Variants in ENTPD6 observed in about 807,000 individuals in gnomAD.
ENTPD6 encodes the protein ectonucleoside triphosphate diphosphohydrolase 6, also known as CD39 antigen-like 2.
Under a neutral mutation model 61.5 loss-of-function variants are expected in ENTPD6, and 46 were observed. The observed-to-expected ratio is 0.75, with a 90% CI of 0.59 to 0.96. ENTPD6 has a LOEUF of 0.96. ENTPD6 is among the 40% of genes least tolerant of loss of function. ENTPD6 has a pLI of 0.00. For missense variants in ENTPD6, 612 were observed against 629.0 expected (o/e 0.97, Z 0.29); for synonymous variants, 252 against 255.5 (o/e 0.99, Z 0.13).
Position 25,221,232 on chromosome 20 carries a change from C to T in ENTPD6, c.944C>T (p.Ala315Val), listed in dbSNP as rs1045967514. ...CTTTCCTTTTTAATCTCTGTTTCAG[C>T]TAAGGATGGAAAGGAGTTGGTCAGC... is the stretch of plus-strand genomic sequence containing the variant. Reference protein sequence around the residue: ...AILGGVEGQPAKDGKELVSPC... With the variant: ...AILGGVEGQPVKDGKELVSPC... Residue 315 changes from alanine (A) to valine (V), a missense_variant and splice_region_variant, in exon 11 of 15, where the codon GCT becomes GTT. By Grantham distance (64) the Ala-to-Val change is moderately conservative. Coordinates refer to ENST00000376652, the MANE Select transcript of ENTPD6 (RefSeq NM_001247.5). The T allele has an allele frequency of 6.2e-7, 1 of 1,610,814 alleles. No individual in the cohort carries two copies. Among genetic ancestry groups the T allele is most frequent in the African/African-American group, 1.3e-5 (1 of 74,864 alleles).
intron 10 of ENTPD6, among the ~76,000 whole-genome samples, chr20:25,219,811 T>G (rs917025126): frequency 8.5e-5 from 13 of 152,254 alleles, no homozygotes; most frequent in African/African-American, 1.2e-4. Flanking sequence ...GATGTTCAAC[T>G]GGAATTTTCA....
intron 5 of ENTPD6, among the ~76,000 whole-genome samples, chr20:25,213,764 A>G (rs1027167647): frequency 3.3e-5 from 5 of 152,206 alleles, no homozygotes; most frequent in Admixed American, 2.6e-4. Flanking sequence ...AGCCTGGCCA[A>G]CATAGCAAGA....
Position 25,204,897 on chromosome 20 carries a change from G to A in ENTPD6, c.-15-1625G>A, listed in dbSNP as rs150619898. Among the ~76,000 whole-genome samples the A allele has an allele frequency of 4.6e-5, 7 of 152,242 alleles. No individual in the cohort carries two copies. In the East Asian group the frequency reaches 9.6e-4, roughly 21 times the overall value. ...GGCATTCTCTTGGTTGCTGTAGATC[G>A]TTGCCTGTTTTGCAGAGCTCCTATG... On this transcript the variant is annotated intron_variant, in intron 1 of 14. Transcript: ENST00000376652.
rs1289141707 is a variant in ENTPD6, at chr20:25,226,916, C to T, written c.*1319C>T. Among the ~76,000 whole-genome samples the T allele has an allele frequency of 6.6e-6, 1 of 152,276 alleles. No individual in the cohort carries two copies. Among genetic ancestry groups the T allele is most frequent in the Non-Finnish European group, 1.5e-5 (1 of 68,044 alleles). ...TGAAGGGTCTGGCTGGTGGCCCCGG[C>T]CCTCCCAGCGTCTGTTGAGCACAGC... On this transcript the variant is annotated 3_prime_UTR_variant, in exon 15 of 15. Coordinates refer to ENST00000376652, the MANE Select transcript of ENTPD6 (RefSeq NM_001247.5).
At chr20:25,206,995 C>A in intron 2 of ENTPD6, 81 bp from the exon 3 acceptor site, 1 of 1,296,802 alleles carries the variant, frequency 7.7e-7, no homozygotes, top group Non-Finnish European at 1.1e-6. Flanking sequence ...AACATTTTGT[C>A]CCTGGGCCTG....
At chr20:25,200,916 CCTTT>C (rs1294492339) in intron 1 of ENTPD6, among the ~76,000 whole-genome samples, 1 of 151,864 alleles carries the variant, frequency 6.6e-6, no homozygotes, top group East Asian at 1.9e-4. Flanking sequence ...TTGTTTGAGC[CCTTT>C]CTTCTTTTCT....
chr20:25,198,161 G>A (rs1284070622), intron 1 of ENTPD6, among the ~76,000 whole-genome samples: 4 of 152,146 alleles, frequency 2.6e-5, no homozygotes, highest in African/African-American at 9.7e-5. Context: ...ATGGTTCTTA[G>A]ACTAACATAG....
chr20:25,214,741 C>A (rs767496694), intron 5 of ENTPD6, 126 bp from the exon 6 acceptor site: 6 of 655,952 alleles, frequency 9.1e-6, no homozygotes, highest in Non-Finnish European at 1.7e-5. Context: ...TTGATCACAA[C>A]CAGTTACAGA....
intron 9 of ENTPD6, 43 bp from the exon 10 acceptor site, chr20:25,218,491 GCCTGCCATGACCTGTA>G: frequency 6.6e-7 from 1 of 1,518,358 alleles, no homozygotes. Context: ...TCAGAGGTGA[GCCTGCCATGACCTGTA>G]CCTGCCATGG....
At position 25,216,746 on chromosome 20, in the gene ENTPD6, C is replaced by T; in HGVS notation, c.798+10C>T. 1.9e-6 allele frequency: 3 copies of T among 1,579,692 alleles called. No individual in the cohort carries two copies. Among genetic ancestry groups the T allele is most frequent in the Non-Finnish European group, 2.6e-6 (3 of 1,162,266 alleles). ...CCTGCCACGCGTGGAGGTAACAAGC[C>T]CTGCCGACCACAGCGCTCTTTCCAC... On this transcript the variant is annotated intron_variant, in intron 8 of 14. Transcript: ENST00000376652.
At chr20:25,209,355 T>A (rs1453058037) in intron 3 of ENTPD6, among the ~76,000 whole-genome samples, 1 of 151,562 alleles carries the variant, frequency 6.6e-6, no homozygotes, top group Non-Finnish European at 1.5e-5. Flanking sequence ...CGTGATCTGC[T>A]CACCTTGGCC....
chr20:25,220,431 G>A (rs189363890), intron 10 of ENTPD6, among the ~76,000 whole-genome samples: 138 of 151,904 alleles, frequency 9.1e-4, no homozygotes, highest in African/African-American at 3.2e-3. Context: ...ATATGGCTGG[G>A]GCAGCTGTCT....
At chr20:25,206,396 T>A in intron 1 of ENTPD6, 126 bp from the exon 2 acceptor site, 1 of 712,046 alleles carries the variant, frequency 1.4e-6, no homozygotes, top group Non-Finnish European at 2.4e-6. Flanking sequence ...CAATGAAACT[T>A]GAACAAATGC....
rs1482586649 is a variant in ENTPD6, at chr20:25,215,767, C to T, written c.709+56C>T. On this transcript the variant is annotated intron_variant, in intron 7 of 14. Transcript: ENST00000376652. ...CGATCACAGACACCTGCGGAGGGCT[C>T]GACTGGGCCTTTCGAGAGCAGGAGC... 18 of 1,560,242 alleles carry T rather than the reference C, an allele frequency of 1.2e-5. No individual in the cohort carries two copies. The Middle Eastern group carries it at 6.7e-4, about 58-fold the overall frequency.
rs552377406 is a variant in ENTPD6, at chr20:25,201,749, G to T, written c.-15-4773G>T. On this transcript the variant is annotated intron_variant, in intron 1 of 14. Transcript: ENST00000376652. ...CCCTCACCTGCAGTTGAAAATCCAA[G>T]TGTAACTTCAGTCTAGAATGCAGTG... is the stretch of plus-strand genomic sequence containing the variant. Among the ~76,000 whole-genome samples the T allele has an allele frequency of 2.0e-5, 3 of 152,304 alleles. No homozygotes were observed. In the South Asian group the frequency reaches 6.2e-4, roughly 32 times the overall value.
intron 1 of ENTPD6, among the ~76,000 whole-genome samples, chr20:25,196,543 C>T (rs2090438498): frequency 2.6e-5 from 4 of 152,164 alleles, no homozygotes; most frequent in Admixed American, 1.3e-4. Flanking sequence ...CCTGTAAGTG[C>T]AAAGTGCAAA....
Position 25,216,794 on chromosome 20 carries a change from G to A in ENTPD6, c.798+58G>A, listed in dbSNP as rs1033580683. The A allele has an allele frequency of 3.8e-5, 53 of 1,407,342 alleles. No homozygotes were observed. In the African/African-American group the frequency reaches 7.4e-4, roughly 20 times the overall value. The allele number at this position is 1,407,342 out of a possible 1,614,324, so 87.2% of individuals were successfully genotyped here. On this transcript the variant is annotated intron_variant, in intron 8 of 14. Coordinates refer to ENST00000376652, the MANE Select transcript of ENTPD6 (RefSeq NM_001247.5). ...CACCCCGAGGCCACACCGCCATGGG[G>A]GTGCAGGGTGGGGCCTGCTGAGGTG...
intron 5 of ENTPD6, among the ~76,000 whole-genome samples, chr20:25,213,918 C>G (rs551492088): frequency 6.6e-6 from 1 of 152,362 alleles, no homozygotes; most frequent in Admixed American, 6.5e-5. Context: ...CCACTGAACT[C>G]TAGCCTGGGC....
intron 10 of ENTPD6, among the ~76,000 whole-genome samples, chr20:25,220,180 A>T (rs532719595): frequency 6.6e-6 from 1 of 152,348 alleles, no homozygotes; most frequent in African/African-American, 2.4e-5. Flanking sequence ...ATTGCGTAAC[A>T]GACCCCCCAA....
Sources: gnomAD v4.1 joint callset for allele counts (sites outside exome capture counted in the v4.1 genomes callset) on GRCh38, gnomAD v4.1.1 for gene constraint, MANE v1.5 for transcripts, NCBI Gene and HGNC (gene_info 2026-07-23, HGNC 2026-07-21) for gene names.